Variants in CLCN5 observed in about 807,000 individuals in gnomAD.
The protein encoded by CLCN5 is Cl-/H+ antiporter 5, also known as H(+)/Cl(-) exchange transporter 5.
A neutral mutation model predicts 54.0 loss-of-function variants in CLCN5; 17 were observed. The observed-to-expected ratio is 0.31, with a 90% confidence interval of 0.22 to 0.47. The LOEUF (loss-of-function observed/expected upper bound fraction) is 0.47. Ranked by LOEUF, CLCN5 falls within the 20% of genes least tolerant of loss-of-function variation. The pLI is 1.00. For missense variants in CLCN5, 448 were observed against 646.7 expected, an observed-to-expected ratio of 0.69 and a Z score of 3.33; for synonymous variants, 222 against 233.0, an observed-to-expected ratio of 0.95 and a Z score of 0.43.
At chrX:49,977,665 C>T (rs782800176) in intron 3 of CLCN5, among the ~76,000 whole-genome samples, 31 of 111,845 alleles carry the variant, frequency 2.8e-4, no homozygotes, top group Non-Finnish European at 5.8e-4. Flanking sequence ...GGGACTTTTT[C>T]GAAATATCTG....
At chrX:50,018,175 T>A (rs1272302995) in intron 3 of CLCN5, among the ~76,000 whole-genome samples, 1 of 112,150 alleles carries the variant, frequency 8.9e-6, no homozygotes, top group Non-Finnish European at 1.9e-5. Context: ...CTCATGTAGG[T>A]CTTGTACATA....
intron 3 of CLCN5, among the ~76,000 whole-genome samples, chrX:50,013,573 T>C: frequency 8.9e-6 from 1 of 112,086 alleles, no homozygotes; most frequent in Middle Eastern, 4.6e-3. Flanking sequence ...TGCATGCATG[T>C]GCACACACAC....
chrX:50,046,050 A>G (rs1205087301), intron 4 of CLCN5, among the ~76,000 whole-genome samples: 10 of 112,705 alleles, frequency 8.9e-5, no homozygotes, highest in African/African-American at 3.2e-4. Context: ...ATGAGGAATG[A>G]ATAAATAAAT....
chrX:49,957,020 C>G (rs1170077928), intron 3 of CLCN5, among the ~76,000 whole-genome samples: 2 of 111,765 alleles, frequency 1.8e-5, no homozygotes, highest in Non-Finnish European at 1.9e-5. Context: ...ACCTTGTGGC[C>G]GGGCGTGGTG....
At chrX:50,004,767 A>G (rs782706847) in intron 3 of CLCN5, among the ~76,000 whole-genome samples, 1 of 110,792 alleles carries the variant, frequency 9.0e-6, no homozygotes, top group African/African-American at 3.3e-5. Flanking sequence ...AAAATTAGTC[A>G]GGCCTGGTGG....
intron 4 of CLCN5, among the ~76,000 whole-genome samples, chrX:50,059,775 A>G (rs782789134): frequency 2.7e-5 from 3 of 109,785 alleles, no homozygotes; most frequent in Admixed American, 9.9e-5. Flanking sequence ...AATAAAAAAA[A>G]AAGTCCCTTC....
chrX:50,057,999 T>C (rs1932793111), intron 4 of CLCN5, among the ~76,000 whole-genome samples: 1 of 111,444 alleles, frequency 9.0e-6, no homozygotes, highest in African/African-American at 3.3e-5. Flanking sequence ...TAGTATTTGC[T>C]GTTGAATGCA....
At chrX:50,010,327 A>C (rs1249296726) in intron 3 of CLCN5, among the ~76,000 whole-genome samples, 2 of 109,309 alleles carry the variant, frequency 1.8e-5, no homozygotes, top group Non-Finnish European at 3.8e-5. Flanking sequence ...TGCAGCCTCA[A>C]CCACCTGGGC....
At chrX:50,012,925 G>A (rs782131148) in intron 3 of CLCN5, among the ~76,000 whole-genome samples, 1 of 111,773 alleles carries the variant, frequency 8.9e-6, no homozygotes, top group Non-Finnish European at 1.9e-5. Flanking sequence ...AAGAGAATGA[G>A]CTCCTGCATT....
In CLCN5 at chrX:50,088,851, C is replaced by T; in HGVS notation, c.1711C>T (p.Leu571Phe). Residue 571 changes from leucine (L) to phenylalanine (F), a missense_variant, in exon 12 of 15, where the codon CTT (leucine) becomes TTT (phenylalanine). By Grantham distance (22) the Leu-to-Phe change is conservative (BLOSUM62 0). This residue lies in a region of CLCN5 where 297 missense variants were observed against 470.4 expected (regional missense o/e 0.63). Transcript: ENST00000376091. ...GGGAGCTGATTGCATCACCCCCGGC[C>T]TTTATGCAATGGTTGGGGCTGCAGC... ...SQGADCITPG[L>F]YAMVGAAACL... The T allele has an allele frequency of 8.3e-7, 1 of 1,211,474 alleles. No individual in the cohort carries two copies. Among genetic ancestry groups the T allele is most frequent in the Non-Finnish European group, 1.1e-6 (1 of 895,304 alleles).
At position 50,080,679 on chromosome X, in the gene CLCN5, T is replaced by C. The variant is rs368674238; in HGVS notation, c.689T>C (p.Val230Ala). 1 of 1,204,152 alleles carries C rather than the reference T, an allele frequency of 8.3e-7. No individual in the cohort carries two copies. The highest frequency in any genetic ancestry group is 1.8e-5 in the South Asian group (1 of 56,790). Reference sequence around the variant, plus strand: ...TTCCTTGCCGTATCTCTTGTCAAGGTGTTTGCGCCTTATGCCTGTGGCTCT... The same window carrying C: ...TTCCTTGCCGTATCTCTTGTCAAGGCGTTTGCGCCTTATGCCTGTGGCTCT... ...FAFLAVSLVK[V>A]FAPYACGSGI... The change falls in exon 8 of 15, where the codon GTG (valine) becomes GCG (alanine). Residue 230 changes from valine to alanine, a missense_variant. Around this residue, in one of 5 missense-constraint regions of CLCN5, gnomAD observed 40 missense variants for 27.8 expected, o/e 1.44. Coordinates refer to ENST00000376091, the MANE Select transcript of CLCN5 (RefSeq NM_001127898.4).
At chrX:49,926,299 A>G (rs1925337970) in intron 3 of CLCN5, among the ~76,000 whole-genome samples, 2 of 112,501 alleles carry the variant, frequency 1.8e-5, no homozygotes, top group African/African-American at 6.5e-5. Context: ...GACTCACACA[A>G]TGGGCATTTA....
chrX:49,982,272 G>A (rs1928772492), intron 3 of CLCN5, among the ~76,000 whole-genome samples: 1 of 109,653 alleles, frequency 9.1e-6, no homozygotes, highest in Non-Finnish European at 1.9e-5. Flanking sequence ...CCAACAAATA[G>A]CATCATATAA....
At chrX:49,944,923 C>T (rs1184562165) in intron 3 of CLCN5, among the ~76,000 whole-genome samples, 2 of 112,102 alleles carry the variant, frequency 1.8e-5, no homozygotes, top group Non-Finnish European at 3.8e-5. Context: ...TATGTTATCA[C>T]CCTCTTCTGA....
chrX:49,987,255 C>T (rs1929031322), intron 3 of CLCN5, among the ~76,000 whole-genome samples: 1 of 112,037 alleles, frequency 8.9e-6, no homozygotes, highest in African/African-American at 3.2e-5. Context: ...GAAGTATGAC[C>T]TCTTTTTAGG....
chrX:50,076,639 C>T (rs1027501129), intron 7 of CLCN5, among the ~76,000 whole-genome samples: 1 of 111,523 alleles, frequency 9.0e-6, no homozygotes, highest in Admixed American at 9.5e-5. Flanking sequence ...AGTCCTCCCA[C>T]CAGTCCTCCT....
At chrX:50,079,493 G>C (rs1447462216) in intron 7 of CLCN5, among the ~76,000 whole-genome samples, 1 of 112,138 alleles carries the variant, frequency 8.9e-6, no homozygotes, top group African/African-American at 3.2e-5. Flanking sequence ...CTATTTGCAG[G>C]CCCTTTAATA....
intron 3 of CLCN5, among the ~76,000 whole-genome samples, chrX:50,011,847 T>G (rs1557182603): frequency 8.9e-6 from 1 of 112,161 alleles, no homozygotes; most frequent in Non-Finnish European, 1.9e-5. Flanking sequence ...GTATGGCTGC[T>G]TGGGCCTTCA....
At chrX:50,004,405 G>A (rs144890613) in intron 3 of CLCN5, among the ~76,000 whole-genome samples, 1,353 of 111,123 alleles carry the variant, frequency 0.012, 16 homozygotes, top group African/African-American at 0.041. Context: ...GGTAGTTACA[G>A]CATAGATGGT....
Sources: allele counts gnomAD v4.1 joint callset (sites outside exome capture counted in the v4.1 genomes callset), GRCh38; gene constraint gnomAD v4.1.1; regional missense constraint gnomAD v4.1.1; transcripts MANE v1.5; gene names NCBI Gene and HGNC (gene_info 2026-07-23, HGNC 2026-07-21).